Variants in PDE10A observed in about 807,000 individuals in gnomAD.
PDE10A encodes the protein phosphodiesterase 10A.
In PDE10A, 39 loss-of-function variants were observed where a neutral mutation model predicts 97.7. The ratio of observed to expected loss-of-function variants is 0.40; its 90% confidence interval spans 0.31 to 0.52. The LOEUF (loss-of-function observed/expected upper bound fraction) is 0.52, where lower values mean the gene tolerates loss of function less well. PDE10A is among the 20% of genes least tolerant of loss of function. PDE10A has a pLI of 0.56. For missense variants in PDE10A, 731 were observed against 1,047.8 expected, an observed-to-expected ratio of 0.70 and a Z score of 4.17; for synonymous variants, 371 against 376.8, an observed-to-expected ratio of 0.98 and a Z score of 0.18.
At chr6:165,530,473 T>C (rs755649164) in intron 2 of PDE10A, among the ~76,000 whole-genome samples, 7 of 151,672 alleles carry the variant, frequency 4.6e-5, no homozygotes, top group Non-Finnish European at 1.0e-4. Flanking sequence ...AGTGGGCAAA[T>C]GACATGAACA....
chr6:165,982,404 T>C (rs999575952), intron 1 of PDE10A, among the ~76,000 whole-genome samples: 1 of 152,168 alleles, frequency 6.6e-6, no homozygotes, highest in Non-Finnish European at 1.5e-5. Context: ...AATATACCAC[T>C]TACGTAATTT....
intron 1 of PDE10A, among the ~76,000 whole-genome samples, chr6:165,715,914 G>T (rs1029268349): frequency 2.6e-5 from 4 of 152,164 alleles, no homozygotes; most frequent in Admixed American, 6.5e-5. Context: ...AGACAGTCAG[G>T]TCTCCTCTTC....
Position 165,490,372 on chromosome 6 carries a change from G to C in PDE10A, c.995-8029C>G, listed in dbSNP as rs1780158747. Among the ~76,000 whole-genome samples, 3 of 152,174 alleles carry C rather than the reference G, an allele frequency of 2.0e-5. No homozygotes were observed. The South Asian group carries it at 6.2e-4, about 32-fold the overall frequency. On this transcript the variant is annotated intron_variant, in intron 2 of 21. Coordinates refer to ENST00000539869, the MANE Select transcript of PDE10A (RefSeq NM_001385079.1). ...GCTTCAAAAACAAAGGAAAGATAGA[G>C]ACTTTTTCAGACAAACAAATGCCAA...
intron 1 of PDE10A, among the ~76,000 whole-genome samples, chr6:165,923,757 C>T (rs1195828478): frequency 6.7e-6 from 1 of 148,682 alleles, no homozygotes; most frequent in Admixed American, 6.8e-5. Flanking sequence ...ACTATCACCA[C>T]TTTAAAAATT....
rs138873503 is a variant in PDE10A, at chr6:165,572,640, C to T, written c.866-29072G>A. Among the ~76,000 whole-genome samples the T allele has an allele frequency of 5.8e-3, 885 of 152,324 alleles. 12 individuals carry two copies. The highest frequency in any genetic ancestry group is 0.02 in the African/African-American group (840 of 41,570). ...CTCGGCTGGGTGCCGTGGCTCACTCCTATAATCCCAGCACTTTGGGAAGCC... is the reference window on the plus strand; with the variant it reads ...CTCGGCTGGGTGCCGTGGCTCACTCTTATAATCCCAGCACTTTGGGAAGCC... On this transcript the variant is annotated intron_variant, in intron 1 of 21. Coordinates refer to ENST00000539869, the MANE Select transcript of PDE10A (RefSeq NM_001385079.1).
intron 18 of PDE10A, among the ~76,000 whole-genome samples, chr6:165,365,603 T>C (rs1583122886): frequency 6.6e-6 from 1 of 152,252 alleles, no homozygotes. Flanking sequence ...TCTCAGCTAT[T>C]TAGCTACTTG....
At chr6:165,450,780 C>T (rs890411927) in intron 3 of PDE10A, among the ~76,000 whole-genome samples, 24 of 151,990 alleles carry the variant, frequency 1.6e-4, no homozygotes, top group African/African-American at 5.8e-4. Flanking sequence ...AGGCTGGTCT[C>T]GAAAACTCCT....
chr6:165,889,776 C>A (rs1488622122), intron 1 of PDE10A, among the ~76,000 whole-genome samples: 2 of 151,962 alleles, frequency 1.3e-5, no homozygotes, highest in Non-Finnish European at 2.9e-5. Flanking sequence ...TGCAGGAAAC[C>A]CAAGAGGCTG....
At chr6:165,962,258 G>T (rs927155108) in intron 1 of PDE10A, among the ~76,000 whole-genome samples, 5 of 152,174 alleles carry the variant, frequency 3.3e-5, no homozygotes, top group African/African-American at 1.2e-4. Context: ...AGACCTCAGG[G>T]GCCCCACTAC....
intron 2 of PDE10A, among the ~76,000 whole-genome samples, chr6:165,504,625 A>G (rs1781085954): frequency 6.6e-6 from 1 of 152,164 alleles, no homozygotes; most frequent in South Asian, 2.1e-4. Context: ...TGATTTTTCA[A>G]ATGTTTCTCA....
intron 1 of PDE10A, among the ~76,000 whole-genome samples, chr6:165,619,074 GTAGT>G (rs879935467): frequency 0.1 from 13,233 of 126,768 alleles, 673 homozygotes; most frequent in African/African-American, 0.17. Context: ...GTAGTGTAGT[GTAGT>G]CTAGTGTAGT....
At chr6:165,448,487 A>G (rs1189323028) in intron 5 of PDE10A, among the ~76,000 whole-genome samples, 1 of 152,138 alleles carries the variant, frequency 6.6e-6, no homozygotes, top group Non-Finnish European at 1.5e-5. Flanking sequence ...TCTAGACACA[A>G]AGCCCTAGGA....
chr6:165,408,526 G>C (rs1296183970), intron 13 of PDE10A, among the ~76,000 whole-genome samples: 2 of 152,126 alleles, frequency 1.3e-5, no homozygotes, highest in African/African-American at 2.4e-5. Context: ...TTTCAAGTGG[G>C]TAAGGTTCTA....
Position 165,418,581 on chromosome 6 carries a change from G to T in PDE10A, c.1796+54C>A. ...GAATAGGCACAGAAAAATGGGTAAC[G>T]GAACGCCTGCACATCTACCGTAAGA... On this transcript the variant is annotated intron_variant, in intron 11 of 21. Coordinates refer to ENST00000539869, the MANE Select transcript of PDE10A (RefSeq NM_001385079.1). The surrounding 1 kb of genome is among the most constrained non-coding windows in gnomAD (Gnocchi z 4.8). 1 of 1,547,638 alleles carries T rather than the reference G, an allele frequency of 6.5e-7. No individual in the cohort carries two copies. Among genetic ancestry groups the T allele is most frequent in the Non-Finnish European group, 8.8e-7 (1 of 1,134,336 alleles).
intron 1 of PDE10A, among the ~76,000 whole-genome samples, chr6:165,738,477 G>A (rs62424940): frequency 0.25 from 37,938 of 150,886 alleles, 6,111 homozygotes; most frequent in Non-Finnish European, 0.36. Flanking sequence ...AAACATACGT[G>A]TGCATGTGTC....
intron 1 of PDE10A, among the ~76,000 whole-genome samples, chr6:165,876,107 T>C (rs1781338685): frequency 6.6e-6 from 1 of 152,254 alleles, no homozygotes; most frequent in South Asian, 2.1e-4. Flanking sequence ...CACAAATGTT[T>C]ATGATGCGAC....
At chr6:165,878,998 A>C (rs961371615) in intron 1 of PDE10A, among the ~76,000 whole-genome samples, 1 of 152,226 alleles carries the variant, frequency 6.6e-6, no homozygotes, top group African/African-American at 2.4e-5. Context: ...CCCAAATAAC[A>C]AATTCACACT....
At chr6:165,716,656 T>A (rs1792033244) in intron 1 of PDE10A, among the ~76,000 whole-genome samples, 1 of 152,118 alleles carries the variant, frequency 6.6e-6, no homozygotes, top group Non-Finnish European at 1.5e-5. Flanking sequence ...GAACTTTATT[T>A]TCCCCCCACA....
intron 1 of PDE10A, among the ~76,000 whole-genome samples, chr6:165,874,800 T>C (rs1781292076): frequency 6.6e-6 from 1 of 152,198 alleles, no homozygotes. Context: ...GGGTCTGCAC[T>C]GAAATGTCAT....
Sources: gnomAD v4.1 joint callset for allele counts (sites outside exome capture counted in the v4.1 genomes callset) on GRCh38, gnomAD v4.1.1 for gene constraint, Gnocchi (gnomAD v3.1) non-coding constraint, MANE v1.5 for transcripts, NCBI Gene and HGNC (gene_info 2026-07-23, HGNC 2026-07-21) for gene names.